WWOX: variants seen among roughly 807,000 people sequenced by gnomAD.
WWOX encodes WW domain-containing oxidoreductase.
A neutral mutation model predicts 46.2 loss-of-function variants in WWOX; 69 were observed. The observed-to-expected ratio is 1.49, with a 90% CI of 1.23 to 1.82. WWOX has a LOEUF of 1.82. WWOX is among the 40% of genes most tolerant of loss of function. The pLI is 0.00. For synonymous variants in WWOX, 359 were observed against 202.6 expected, an observed-to-expected ratio of 1.77 and a Z score of -6.56; for missense variants, 919 against 542.6, an observed-to-expected ratio of 1.69 and a Z score of -6.89.
chr16:78,953,462 C>G (rs1015223205), intron 8 of WWOX, among the ~76,000 whole-genome samples: 8 of 143,216 alleles, frequency 5.6e-5, no homozygotes, highest in African/African-American at 1.9e-4. Context: ...GACCTCTGCC[C>G]CACTCTATGT....
intron 8 of WWOX, among the ~76,000 whole-genome samples, chr16:78,972,889 G>C (rs892743068): frequency 6.6e-6 from 1 of 152,196 alleles, no homozygotes; most frequent in Non-Finnish European, 1.5e-5. Context: ...TGTAAGGGCT[G>C]CCTGTCATTT....
intron 8 of WWOX, among the ~76,000 whole-genome samples, chr16:78,530,182 G>A (rs578174236): frequency 2.6e-5 from 4 of 152,272 alleles, no homozygotes; most frequent in African/African-American, 7.2e-5. Context: ...GGGGATGCCC[G>A]TGACCCCTGA....
At chr16:79,210,917 T>A (rs1311241717) in intron 8 of WWOX, among the ~76,000 whole-genome samples, 1 of 152,196 alleles carries the variant, frequency 6.6e-6, no homozygotes, top group Non-Finnish European at 1.5e-5. Context: ...ATGTACCCCC[T>A]TACCTGTGGT....
chr16:78,109,923 A>G (rs1567575151), intron 3 of WWOX, 88 bp downstream of exon 3: 1 of 1,400,280 alleles, frequency 7.1e-7, no homozygotes, highest in Non-Finnish European at 1.0e-6. Flanking sequence ...TAACTGTAGA[A>G]AAATACAAAG....
intron 8 of WWOX, among the ~76,000 whole-genome samples, chr16:78,542,601 C>T (rs2043925006): frequency 6.6e-6 from 1 of 152,182 alleles, no homozygotes; most frequent in Non-Finnish European, 1.5e-5. Context: ...CAGGTTCCTA[C>T]CGCACAGATC....
intron 8 of WWOX, among the ~76,000 whole-genome samples, chr16:78,620,114 T>G (rs373949276): frequency 9.9e-5 from 15 of 152,160 alleles, no homozygotes; most frequent in East Asian, 3.9e-4. Context: ...TGGCACACAG[T>G]TGATGAGGAT....
intron 8 of WWOX, among the ~76,000 whole-genome samples, chr16:78,984,482 G>T (rs1057141696): frequency 3.3e-5 from 5 of 152,216 alleles, no homozygotes; most frequent in Non-Finnish European, 7.3e-5. Context: ...ATGGATGGGT[G>T]TGGCCGTGTG....
chr16:78,626,992 G>T (rs1187739423), intron 8 of WWOX, among the ~76,000 whole-genome samples: 1 of 152,000 alleles, frequency 6.6e-6, no homozygotes, highest in African/African-American at 2.4e-5. Context: ...TTTATCTTTG[G>T]TTTTGTTTTC....
At chr16:78,889,581 G>A (rs535761212) in intron 8 of WWOX, among the ~76,000 whole-genome samples, 3 of 152,146 alleles carry the variant, frequency 2.0e-5, no homozygotes, top group East Asian at 3.9e-4. Context: ...GGAGAAAACC[G>A]AGCCAAGCTT....
intron 8 of WWOX, among the ~76,000 whole-genome samples, chr16:78,629,086 G>A (rs180974208): frequency 2.1e-4 from 32 of 152,272 alleles, no homozygotes; most frequent in Non-Finnish European, 3.5e-4. Context: ...ATTTCAAAAT[G>A]TGAATGTAAG....
intron 5 of WWOX, among the ~76,000 whole-genome samples, chr16:78,288,048 C>A (rs765965816): frequency 2.0e-5 from 3 of 151,994 alleles, no homozygotes; most frequent in Non-Finnish European, 4.4e-5. Flanking sequence ...TTTAATTTAG[C>A]CATTTCTAAT....
At position 78,980,867 on chromosome 16, in the gene WWOX, AGGACT is replaced by A. The variant is rs146514705; in HGVS notation, c.1057-230735_1057-230731del. Among the ~76,000 whole-genome samples, 647 of 152,324 alleles carry A rather than the reference AGGACT, an allele frequency of 4.2e-3. 5 individuals are homozygous for A. The highest frequency in any genetic ancestry group is 0.015 in the African/African-American group (629 of 41,564). On this transcript the variant is annotated intron_variant, in intron 8 of 8. Coordinates refer to ENST00000566780, the MANE Select transcript of WWOX (RefSeq NM_016373.4). ...AGGGATTATGGTTCTGTAATCCTGT[AGGACT>A]GGACTCAGTGGGTAAATGTAGAGGT...
intron 5 of WWOX, chr16:78,167,493 G>T (rs146370164): frequency 1.3e-5 from 2 of 152,114 alleles, no homozygotes; most frequent in Non-Finnish European, 2.9e-5. Flanking sequence ...ATCATTCACC[G>T]TCGGGGACAC....
chr16:78,405,979 A>T (rs1014099437), intron 6 of WWOX, among the ~76,000 whole-genome samples: 4 of 152,106 alleles, frequency 2.6e-5, no homozygotes, highest in South Asian at 2.1e-4. Context: ...TGCACATATC[A>T]TGCAAAAGAT....
intron 8 of WWOX, among the ~76,000 whole-genome samples, chr16:78,802,515 T>G (rs62038643): frequency 0.035 from 5,389 of 152,222 alleles, 116 homozygotes; most frequent in Non-Finnish European, 0.05. Flanking sequence ...TTATTAATAG[T>G]TGAGGACAAA....
intron 8 of WWOX, among the ~76,000 whole-genome samples, chr16:78,801,502 C>T (rs1319754762): frequency 2.6e-5 from 4 of 152,150 alleles, no homozygotes; most frequent in Non-Finnish European, 5.9e-5. Flanking sequence ...AGGCTAGACC[C>T]TATCTCAAAA....
chr16:78,327,470 C>T (rs1187381426), intron 5 of WWOX, among the ~76,000 whole-genome samples: 1 of 152,124 alleles, frequency 6.6e-6, no homozygotes, highest in Non-Finnish European at 1.5e-5. Flanking sequence ...GGGCAGGACA[C>T]AGAAGGCTTC....
chr16:78,209,885 TTCTC>T (rs1400802357), intron 5 of WWOX, among the ~76,000 whole-genome samples: 1 of 152,218 alleles, frequency 6.6e-6, no homozygotes, highest in Non-Finnish European at 1.5e-5. Flanking sequence ...GTTACCTTCT[TTCTC>T]TTACATGTAA....
chr16:79,152,181 C>T (rs957938733), intron 8 of WWOX, among the ~76,000 whole-genome samples: 1 of 152,160 alleles, frequency 6.6e-6, no homozygotes, highest in African/African-American at 2.4e-5. Flanking sequence ...TTGCATCCCT[C>T]CCCCACGCGA....
Sources: gnomAD v4.1 joint callset for allele counts (sites outside exome capture counted in the v4.1 genomes callset) on GRCh38, gnomAD v4.1.1 for gene constraint, MANE v1.5 for transcripts, NCBI Gene and HGNC (gene_info 2026-07-23, HGNC 2026-07-21) for gene names.